The following EPHB2 variants were observed in gnomAD, a reference collection of about 807,000 sequenced individuals.
EPHB2 encodes EPH receptor B2, also known as ephrin type-B receptor 2.
In EPHB2, 18 loss-of-function variants were observed where a neutral mutation model predicts 96.4. That is an observed-to-expected ratio of 0.19 (90% CI 0.13 to 0.28). EPHB2 has a LOEUF of 0.28. Ranked by LOEUF, EPHB2 falls within the 10% of genes least tolerant of loss-of-function variation. The pLI, the probability that EPHB2 is intolerant of heterozygous loss-of-function variation, is 1.00. For synonymous variants in EPHB2, 506 were observed against 534.1 expected (o/e 0.95, Z 0.72); for missense variants, 989 against 1,355.4 (o/e 0.73, Z 4.25).
intron 3 of EPHB2, among the ~76,000 whole-genome samples, chr1:22,813,162 TG>T (rs1198757000): frequency 6.6e-6 from 1 of 152,210 alleles, no homozygotes; most frequent in East Asian, 1.9e-4. Flanking sequence ...CCCTTCAACT[TG>T]CCAGTCAGGC....
intron 3 of EPHB2, 76 bp downstream of exon 3, chr1:22,785,152 T>A (rs750894705): frequency 1.6e-4 from 254 of 1,571,038 alleles, no homozygotes; most frequent in Non-Finnish European, 2.1e-4. Flanking sequence ...GCTGCAGACT[T>A]GGGCCTGGCC....
chr1:22,900,167 G>A (rs753610111), intron 9 of EPHB2, among the ~76,000 whole-genome samples: 1 of 151,446 alleles, frequency 6.6e-6, no homozygotes, highest in Non-Finnish European at 1.5e-5. Context: ...GGTGGTGCAC[G>A]CCTGTAATCC....
At position 22,906,800 on chromosome 1, in the gene EPHB2, C is replaced by T. The variant is rs761101394; in HGVS notation, c.1979C>T (p.Thr660Met). 22 of 1,614,076 alleles carry T rather than the reference C, an allele frequency of 1.4e-5. No homozygotes were observed. The highest frequency in any genetic ancestry group is 4.5e-5 in the East Asian group (2 of 44,894). ...VAIKTLKSGY[T>M]EKQRRDFLSE... is the part of the protein sequence containing the mutation. The stretch of plus-strand genomic sequence containing the variant: ...ATCAAGACGCTCAAGTCGGGCTACA[C>T]GGAGAAGCAGCGCCGGGACTTCCTG... The change falls in exon 11 of 16, where the codon ACG becomes ATG. Residue 660 changes from threonine (T) to methionine (M), a missense_variant. Transcript: ENST00000374630. This position sits in a 1 kb window ranked among gnomAD's most constrained non-coding sequence, Gnocchi z 4.8.
chr1:22,828,334 C>A (rs1645254117), intron 3 of EPHB2, among the ~76,000 whole-genome samples: 1 of 152,090 alleles, frequency 6.6e-6, no homozygotes, highest in Non-Finnish European at 1.5e-5. Flanking sequence ...CATGACTCAC[C>A]CAACACTGTG....
Position 22,860,752 on chromosome 1 carries a change from C to A in EPHB2, c.812-2285C>A, listed in dbSNP as rs1645781823. On this transcript the variant is annotated intron_variant, in intron 3 of 15. Transcript: ENST00000374630. The surrounding 1 kb of genome is among the most constrained non-coding windows in gnomAD (Gnocchi z 4.6). ...GGATGGTTCTAGACCTTCCTGGAAG[C>A]CTTGTGCCCCCATTCTGCAGAGGAG... Among the ~76,000 whole-genome samples, 3 of 152,300 alleles carry A rather than the reference C, an allele frequency of 2.0e-5. No homozygotes were observed. The highest frequency in any genetic ancestry group is 4.1e-4 in the South Asian group (2 of 4,828).
chr1:22,751,647 G>A (rs957256900), intron 1 of EPHB2, among the ~76,000 whole-genome samples: 5 of 152,124 alleles, frequency 3.3e-5, no homozygotes, highest in African/African-American at 9.7e-5. Flanking sequence ...TGGTTCTGCC[G>A]TATACCCACT....
rs1487060522 is a variant in EPHB2, at chr1:22,785,083, G to A, written c.811+7G>A. 15 of 1,613,434 alleles carry A rather than the reference G, an allele frequency of 9.3e-6. No homozygotes were observed. The East Asian group carries it at 3.1e-4, about 34-fold the overall frequency. The stretch of plus-strand genomic sequence containing the variant: ...AATGGCACCGTCTGCCGAGGTAAGG[G>A]CCAGGGTGGGGCACGTGCCCCTGCA... On this transcript the variant is annotated splice_region_variant and intron_variant, in intron 3 of 15. Coordinates refer to ENST00000374630, the MANE Select transcript of EPHB2 (RefSeq NM_017449.5).
At chr1:22,816,734 G>A (rs1046925910) in intron 3 of EPHB2, among the ~76,000 whole-genome samples, 4 of 152,220 alleles carry the variant, frequency 2.6e-5, no homozygotes, top group Non-Finnish European at 5.9e-5. Context: ...GACTCCCAGG[G>A]TGGTCATGAA....
intron 1 of EPHB2, among the ~76,000 whole-genome samples, chr1:22,757,692 T>A (rs1023860733): frequency 6.6e-6 from 1 of 152,002 alleles, no homozygotes; most frequent in Non-Finnish European, 1.5e-5. Context: ...CAAGACCCTG[T>A]CTCTACAAAA....
intron 1 of EPHB2, among the ~76,000 whole-genome samples, chr1:22,716,835 C>T (rs1208617188): frequency 4.6e-5 from 7 of 152,198 alleles, no homozygotes. Context: ...GGGACCCATG[C>T]TCCCACTGAG....
intron 3 of EPHB2, among the ~76,000 whole-genome samples, chr1:22,797,154 G>T (rs560071403): frequency 1.3e-5 from 2 of 152,146 alleles, no homozygotes; most frequent in East Asian, 3.9e-4. Flanking sequence ...GGACTGGAAC[G>T]GGGGTCACCG....
chr1:22,764,791 G>T (rs955074280), intron 1 of EPHB2, among the ~76,000 whole-genome samples: 4 of 151,938 alleles, frequency 2.6e-5, no homozygotes, highest in Non-Finnish European at 4.4e-5. Flanking sequence ...GGGATGTGCC[G>T]CTGGATAGGC....
At chr1:22,725,974 C>T (rs968702511) in intron 1 of EPHB2, among the ~76,000 whole-genome samples, 9 of 152,216 alleles carry the variant, frequency 5.9e-5, no homozygotes, top group Admixed American at 1.3e-4. Context: ...TAGCACACTC[C>T]GTCTCCTCCA....
intron 1 of EPHB2, among the ~76,000 whole-genome samples, chr1:22,780,286 A>AGGCCACG (rs1644510672): frequency 6.6e-6 from 1 of 152,058 alleles, no homozygotes; most frequent in Non-Finnish European, 1.5e-5. Context: ...CCTAGGCCAC[A>AGGCCACG]TGGCTCCCTG....
At chr1:22,754,865 GGC>G (rs1491380349) in intron 1 of EPHB2, among the ~76,000 whole-genome samples, 12 of 12,918 alleles carry the variant, frequency 9.3e-4, no homozygotes, top group African/African-American at 2.5e-3. Flanking sequence ...GGTGAGGTGA[GGC>G]AAGGGGCAGG....
At chr1:22,745,895 C>T (rs1472629418) in intron 1 of EPHB2, among the ~76,000 whole-genome samples, 1 of 152,194 alleles carries the variant, frequency 6.6e-6, no homozygotes, top group African/African-American at 2.4e-5. Flanking sequence ...TGACAATCTG[C>T]AGCTTATCTT....
chr1:22,893,513 A>C (rs1639457719), intron 7 of EPHB2, among the ~76,000 whole-genome samples: 2 of 152,308 alleles, frequency 1.3e-5, no homozygotes, highest in South Asian at 4.2e-4. Flanking sequence ...AGGGAATGGG[A>C]GATCGTAACC....
At chr1:22,907,713 G>A (rs971897316) in intron 11 of EPHB2, among the ~76,000 whole-genome samples, 7 of 152,312 alleles carry the variant, frequency 4.6e-5, no homozygotes, top group Admixed American at 6.5e-5. Context: ...TTGCACAGCC[G>A]AGAAGGAACA....
intron 12 of EPHB2, among the ~76,000 whole-genome samples, chr1:22,908,601 AG>A (rs1461803766): frequency 6.6e-6 from 1 of 152,248 alleles, no homozygotes; most frequent in Non-Finnish European, 1.5e-5. Context: ...GCCCAGGTTC[AG>A]GACTCTCTCC....
Sources: allele counts gnomAD v4.1 joint callset (sites outside exome capture counted in the v4.1 genomes callset), GRCh38; gene constraint gnomAD v4.1.1; non-coding constraint Gnocchi (gnomAD v3.1); transcripts MANE v1.5; gene names NCBI Gene and HGNC (gene_info 2026-07-23, HGNC 2026-07-21).